CHD4: variants seen among roughly 807,000 people sequenced by gnomAD.
CHD4 encodes the protein ATP-dependent chromatin remodeler CHD4.
A neutral mutation model predicts 235.5 loss-of-function variants in CHD4; 35 were observed. That is an observed-to-expected ratio of 0.15 (90% confidence interval 0.11 to 0.20). CHD4 has a LOEUF of 0.20. Among genes scored for constraint, CHD4 ranks in the 10% least tolerant of loss-of-function variants. The probability of loss-of-function intolerance (pLI) is 1.00; values close to 1 mark genes in which losing one functional copy is unlikely to be tolerated. For missense variants in CHD4, 1,329 were observed against 2,432.3 expected, an observed-to-expected ratio of 0.55 and a Z score of 9.54; for synonymous variants, 900 against 850.2, an observed-to-expected ratio of 1.06 and a Z score of -1.02.
intron 23 of CHD4, 89 bp from the exon 24 acceptor site, chr12:6,588,038 CA>C: frequency 7.3e-7 from 1 of 1,374,612 alleles, no homozygotes; most frequent in Non-Finnish European, 1.0e-6. Flanking sequence ...AAATTCAGTA[CA>C]AGGCAAGGTC....
Position 6,570,569 on chromosome 12 carries a change from G to T in CHD4, c.*107C>A. The T allele has an allele frequency of 7.3e-7, 1 of 1,375,844 alleles. No individual in the cohort carries two copies. Among genetic ancestry groups the T allele is most frequent in the East Asian group, 2.3e-5 (1 of 43,652 alleles). The allele number at this position is 1,375,844 out of a possible 1,614,324, so 85.2% of individuals were successfully genotyped here. The stretch of plus-strand genomic sequence containing the variant: ...GCTGTTCCTTTACAACATGGAAGAT[G>T]GGCAGAAGGAAGGTGAGGGTCTCTC... On this transcript the variant is annotated 3_prime_UTR_variant, in exon 40 of 40. Coordinates refer to ENST00000544040, the MANE Select transcript of CHD4 (RefSeq NM_001273.5).
At chr12:6,597,506 T>C (rs1948520457) in intron 12 of CHD4, among the ~76,000 whole-genome samples, 2 of 151,696 alleles carry the variant, frequency 1.3e-5, no homozygotes, top group Non-Finnish European at 2.9e-5. Context: ...CTCACGCCTG[T>C]TAATCCTAGC....
intron 25 of CHD4, among the ~76,000 whole-genome samples, chr12:6,585,660 G>T (rs1422680685): frequency 6.6e-6 from 1 of 151,204 alleles, no homozygotes; most frequent in Middle Eastern, 3.2e-3. Flanking sequence ...GTGGTGGCAC[G>T]TGCCTGTAGT....
At chr12:6,573,994 G>C (rs1423036424) in intron 37 of CHD4, among the ~76,000 whole-genome samples, 1 of 152,100 alleles carries the variant, frequency 6.6e-6, no homozygotes, top group Non-Finnish European at 1.5e-5. Context: ...CTACACTCCA[G>C]CCTGAGTGAC....
chr12:6,580,961 C>T (rs1300322309), intron 33 of CHD4, 83 bp downstream of exon 33: 9 of 1,502,706 alleles, frequency 6.0e-6, no homozygotes, highest in African/African-American at 2.8e-5. Context: ...AAGCCAAGAT[C>T]GCGCCACAGC....
chr12:6,595,109 T>C (rs1948464175), intron 14 of CHD4, among the ~76,000 whole-genome samples: 1 of 151,962 alleles, frequency 6.6e-6, no homozygotes, highest in African/African-American at 2.4e-5. Context: ...TCTTCAATCA[T>C]TCAAAATATA....
chr12:6,601,889 G>A, intron 4 of CHD4, 71 bp downstream of exon 4: 2 of 1,561,066 alleles, frequency 1.3e-6, no homozygotes, highest in South Asian at 1.1e-5. Context: ...GTTCTAAAGG[G>A]CAGTAAGGTG....
rs1948456738 is a variant in CHD4, at chr12:6,594,756, G to A, written c.2122-106C>T. ...AGTCTTCACGGATCCTCTTGGGGAA[G>A]AGCTCCGGAAAATTCGGAGGGAAGA... is the stretch of plus-strand genomic sequence containing the variant. On this transcript the variant is annotated intron_variant, in intron 14 of 39. Coordinates refer to ENST00000544040, the MANE Select transcript of CHD4 (RefSeq NM_001273.5). The A allele has an allele frequency of 2.9e-6, 3 of 1,036,120 alleles. No individual in the cohort carries two copies. The Admixed American group carries it at 8.0e-5, about 28-fold the overall frequency. 64.2% of individuals were successfully genotyped at this position (1,036,120 alleles called of 1,614,324 possible).
Position 6,606,276 on chromosome 12 carries a change from G to A in CHD4, c.98C>T (p.Pro33Leu), listed in dbSNP as rs762788560. Reference sequence around the variant, plus strand: ...TGGGCCCTTGGGGAAGATGTTACCTGGGTGGGGTGGGGGCAGGCTGTTGTT... The same window carrying A: ...TGGGCCCTTGGGGAAGATGTTACCTAGGTGGGGTGGGGGCAGGCTGTTGTT... Reference protein sequence around the residue: ...LLNNSLPPPHPENEEDPEEDL... With the variant: ...LLNNSLPPPHLENEEDPEEDL... Residue 33 changes from proline (P) to leucine (L), a missense_variant and splice_region_variant, in exon 2 of 40, where the codon CCA (proline) becomes CTA (leucine). Transcript: ENST00000544040. 10 of 1,571,364 alleles carry A rather than the reference G, an allele frequency of 6.4e-6. No individual in the cohort carries two copies. Among genetic ancestry groups the A allele is most frequent in the Non-Finnish European group, 6.1e-6 (7 of 1,156,372 alleles).
At position 6,606,336 on chromosome 12, in the gene CHD4, G is replaced by A. The variant is rs147397787; in HGVS notation, c.38C>T (p.Ala13Val). 1.8e-5 allele frequency: 28 copies of A among 1,569,380 alleles called. No individual in the cohort carries two copies. The African/African-American group carries it at 3.2e-4, about 18-fold the overall frequency. ...ATCCATATCCTCCTCCTCACTGCCC[G>A]CCGAGCAGGGGGACGGGGAGCCCAG... The part of the protein sequence containing the change: ...SGLGSPSPCS[A>V]GSEEEDMDAL... The change falls in exon 2 of 40, where the codon GCG (alanine) becomes GTG (valine). Residue 13 changes from alanine (A) to valine (V), a missense_variant. Ala to Val is a moderately conservative substitution (Grantham distance 64, BLOSUM62 0). Transcript: ENST00000544040.
At chr12:6,573,341 G>A in intron 37 of CHD4, 72 bp from the exon 38 acceptor site, 2 of 1,264,650 alleles carry the variant, frequency 1.6e-6, no homozygotes, top group Non-Finnish European at 2.1e-6. Context: ...TGGCCTCTCA[G>A]CTCACCTCTC....
At chr12:6,572,127 CA>C (rs950955657) in intron 38 of CHD4, among the ~76,000 whole-genome samples, 12 of 137,930 alleles carry the variant, frequency 8.7e-5, no homozygotes, top group Admixed American at 1.4e-4. Flanking sequence ...ATTCCACCTC[CA>C]AAAAAAAAAG....
intron 37 of CHD4, among the ~76,000 whole-genome samples, chr12:6,574,299 T>G (rs1321930838): frequency 1.3e-5 from 2 of 152,170 alleles, no homozygotes; most frequent in African/African-American, 4.8e-5. Context: ...CTTCTGTTGT[T>G]TAATGCCCCA....
rs759356507 is a variant in CHD4, at chr12:6,601,498, G to A, written c.590C>T (p.Ala197Val). The change falls in exon 6 of 40, where the codon GCT (alanine) becomes GTT (valine). Residue 197 changes from alanine (A) to valine (V), a missense_variant. Around this residue, in one of 26 missense-constraint regions of CHD4, gnomAD observed 39 missense variants for 86.6 expected, o/e 0.45. Coordinates refer to ENST00000544040, the MANE Select transcript of CHD4 (RefSeq NM_001273.5). ...CAAAACCATCATCATCTTGGAGACA[G>A]CAATCTTGGGATTTTTGGCAGCAAT... ...PLIAAKNPKI[A>V]VSKMMMVLGA... 1.2e-6 allele frequency: 2 copies of A among 1,614,192 alleles called. No homozygotes were observed. The highest frequency in any genetic ancestry group is 1.7e-6 in the Non-Finnish European group (2 of 1,180,034).
chr12:6,576,776 A>G (rs924809703), intron 37 of CHD4, among the ~76,000 whole-genome samples: 1 of 152,108 alleles, frequency 6.6e-6, no homozygotes, highest in Admixed American at 6.6e-5. Flanking sequence ...CATTCATTTG[A>G]TTACACATGT....
At chr12:6,606,480 AACAGTCAGTG>A in intron 1 of CHD4, 29 bp from the exon 2 acceptor site, 1 of 600,062 alleles carries the variant, frequency 1.7e-6, no homozygotes. Flanking sequence ...AGAAACACAG[AACAGTCAGTG>A]ACGCGCACTG....
intron 37 of CHD4, 27 bp from the exon 38 acceptor site, chr12:6,573,296 A>G (rs1221464263): frequency 6.6e-7 from 1 of 1,506,474 alleles, no homozygotes; most frequent in Non-Finnish European, 8.8e-7. Flanking sequence ...AGGAAACGGG[A>G]GTTCGACTGA....
chr12:6,583,412 C>A, intron 25 of CHD4, 34 bp from the exon 26 acceptor site: 1 of 1,563,024 alleles, frequency 6.4e-7, no homozygotes. Context: ...CTCAGGAGTG[C>A]TGAAGTCAGC....
Position 6,593,738 on chromosome 12 carries a change from C to A in CHD4, c.2314-122G>T. Reference sequence around the variant, plus strand: ...GGACTGACACACCTGCGCTGCTGCTCCTGCTCTCACCTTCCTCTATACAAG... The same window carrying A: ...GGACTGACACACCTGCGCTGCTGCTACTGCTCTCACCTTCCTCTATACAAG... On this transcript the variant is annotated intron_variant, in intron 15 of 39. Transcript: ENST00000544040. This position sits in a 1 kb window ranked among gnomAD's most constrained non-coding sequence, Gnocchi z 4.9. 14 of 789,714 alleles carry A rather than the reference C, an allele frequency of 1.8e-5. No individual in the cohort carries two copies. In the South Asian group the frequency reaches 2.2e-4, roughly 12 times the overall value. The allele number at this position is 789,714 out of a possible 1,614,324, so 48.9% of individuals were successfully genotyped here. A position where few individuals can be genotyped will look rare whatever the true frequency, so the allele number is the denominator to read the frequency against.
Sources: allele counts gnomAD v4.1 joint callset (sites outside exome capture counted in the v4.1 genomes callset), GRCh38; gene constraint gnomAD v4.1.1; regional missense constraint gnomAD v4.1.1; non-coding constraint Gnocchi (gnomAD v3.1); transcripts MANE v1.5; gene names NCBI Gene and HGNC (gene_info 2026-07-23, HGNC 2026-07-21).